Variants in DDIAS observed in about 807,000 individuals in gnomAD.
The protein encoded by DDIAS is DNA damage-induced apoptosis suppressor protein.
Under a neutral mutation model 15.7 loss-of-function variants are expected in DDIAS, and 14 were observed. The observed-to-expected ratio is 0.89, with a 90% CI of 0.59 to 1.39. DDIAS has a LOEUF of 1.39. Among genes scored for constraint, DDIAS ranks in the 40% most tolerant of loss-of-function variants. DDIAS has a pLI of 0.00. For synonymous variants in DDIAS, 355 were observed against 395.9 expected (o/e 0.90, Z 1.23); for missense variants, 1,035 against 1,130.9 (o/e 0.92, Z 1.22).
At chr11:82,925,362 C>G (rs760696936) in intron 3 of DDIAS, among the ~76,000 whole-genome samples, 1 of 152,010 alleles carries the variant, frequency 6.6e-6, no homozygotes. Flanking sequence ...TCTGGGAGGC[C>G]GAAACAAGAG....
At position 82,933,681 on chromosome 11, in the gene DDIAS, C is replaced by T. The variant is rs779715130; in HGVS notation, c.2343C>T (p.His781=). 5 of 1,613,984 alleles carry T rather than the reference C, an allele frequency of 3.1e-6. No individual in the cohort carries two copies. Among genetic ancestry groups the T allele is most frequent in the East Asian group, 2.2e-5 (1 of 44,872 alleles). ...CSQSTPISGF[H]QTRIHGINRA... Reference sequence around the variant, plus strand: ...AGTCAACTCCAATTTCAGGGTTCCACCAAACAAGAATTCATGGGATAAACA... The same window carrying T: ...AGTCAACTCCAATTTCAGGGTTCCATCAAACAAGAATTCATGGGATAAACA... The change falls in exon 6 of 6, where the codon CAC becomes CAT. Residue 781 remains histidine, a synonymous_variant. Transcript: ENST00000533655.
chr11:82,918,185 A>G (rs149022379), intron 3 of DDIAS, among the ~76,000 whole-genome samples: 2 of 152,230 alleles, frequency 1.3e-5, no homozygotes, highest in Non-Finnish European at 2.9e-5. Flanking sequence ...TGGGTACGCC[A>G]ATGTCTAGAA....
intron 1 of DDIAS, among the ~76,000 whole-genome samples, chr11:82,910,467 C>T (rs914981155): frequency 1.3e-5 from 2 of 151,914 alleles, no homozygotes; most frequent in African/African-American, 4.8e-5. Context: ...GATGGGGTTT[C>T]ACCATTTTGG....
At chr11:82,903,154 G>T (rs1860357290) in intron 1 of DDIAS, among the ~76,000 whole-genome samples, 1 of 152,028 alleles carries the variant, frequency 6.6e-6, no homozygotes, top group Non-Finnish European at 1.5e-5. Flanking sequence ...AATATATTTA[G>T]AAAGGACAGT....
intron 1 of DDIAS, among the ~76,000 whole-genome samples, chr11:82,906,222 G>A (rs1860428113): frequency 6.6e-6 from 1 of 152,120 alleles, no homozygotes; most frequent in Non-Finnish European, 1.5e-5. Context: ...TTGTCCAACA[G>A]ACAATAAATG....
At chr11:82,927,257 C>T (rs1203737519) in intron 3 of DDIAS, among the ~76,000 whole-genome samples, 1 of 152,172 alleles carries the variant, frequency 6.6e-6, no homozygotes, top group Non-Finnish European at 1.5e-5. Context: ...CAGTTCATTT[C>T]CCTAGAGTTT....
chr11:82,906,051 G>A (rs1430154520), intron 1 of DDIAS, among the ~76,000 whole-genome samples: 1 of 152,016 alleles, frequency 6.6e-6, no homozygotes, highest in Admixed American at 6.6e-5. Flanking sequence ...GCAGTAGAGA[G>A]AGACAGAGAA....
At chr11:82,908,527 A>C (rs1287761372) in intron 1 of DDIAS, among the ~76,000 whole-genome samples, 2 of 152,204 alleles carry the variant, frequency 1.3e-5, no homozygotes, top group African/African-American at 4.8e-5. Context: ...TGTTGACATA[A>C]CATCATTTGT....
chr11:82,932,054 G>A lies in DDIAS; in HGVS notation c.716G>A (p.Trp239Ter), dbSNP rs1860999908. Reference sequence around the variant, plus strand: ...AGCAAGGATACTTTTTCAAAATTCTGGCAGCCATCACTTGAATTCACTTGC... The same window carrying A: ...AGCAAGGATACTTTTTCAAAATTCTAGCAGCCATCACTTGAATTCACTTGC... Reference protein sequence around the residue: ...SCSKDTFSKFWQPSLEFTCIV... With the variant: ...SCSKDTFSKF The change falls in exon 6 of 6, where the codon TGG (tryptophan) becomes TAG (stop). Residue 239 changes from tryptophan (W) to a stop codon, truncating the protein, a stop_gained. Transcript: ENST00000533655. LOFTEE classifies it low-confidence loss of function (END_TRUNC). 1.2e-6 allele frequency: 2 copies of A among 1,613,720 alleles called. No homozygotes were observed. Among genetic ancestry groups the A allele is most frequent in the South Asian group, 2.2e-5 (2 of 91,020 alleles).
In DDIAS at chr11:82,933,217, A is replaced by T; in HGVS notation, c.1879A>T (p.Ile627Phe). 1 of 1,611,914 alleles carries T rather than the reference A, an allele frequency of 6.2e-7. No homozygotes were observed. The highest frequency in any genetic ancestry group is 8.5e-7 in the Non-Finnish European group (1 of 1,179,590). ...CAAGAACCAAGATGACAGTTTTACA[A>T]TTTGCAGGAAACTTACATATCCTTT... Reference protein sequence around the residue: ...WSKNQDDSFTICRKLTYPLET... With the variant: ...WSKNQDDSFTFCRKLTYPLET... The change falls in exon 6 of 6, where the codon ATT (isoleucine) becomes TTT (phenylalanine). Residue 627 changes from isoleucine to phenylalanine, a missense_variant. Coordinates refer to ENST00000533655, the MANE Select transcript of DDIAS (RefSeq NM_145018.4).
chr11:82,912,740 A>C (rs887034690), intron 1 of DDIAS, among the ~76,000 whole-genome samples: 3 of 152,052 alleles, frequency 2.0e-5, no homozygotes, highest in Non-Finnish European at 2.9e-5. Flanking sequence ...AAGAAACCTA[A>C]CTTTTGGTCT....
Position 82,933,132 on chromosome 11 carries a change from G to A in DDIAS, c.1794G>A (p.Arg598=), listed in dbSNP as rs1861036843. The A allele has an allele frequency of 6.2e-7, 1 of 1,607,672 alleles. No individual in the cohort carries two copies. Among genetic ancestry groups the A allele is most frequent in the Admixed American group, 1.7e-5 (1 of 59,696 alleles). ...MNEKLTTLCY[R]KYNDVSDLCK... is the part of the protein sequence containing the mutation. Reference sequence around the variant, plus strand: ...AAAAGTTGACAACTCTGTGTTATAGGAAGTATAATGATGTCTCTGATCTTT... The same window carrying A: ...AAAAGTTGACAACTCTGTGTTATAGAAAGTATAATGATGTCTCTGATCTTT... The change falls in exon 6 of 6, where the codon AGG becomes AGA. Residue 598 remains arginine (R), a synonymous_variant. Transcript: ENST00000533655.
chr11:82,910,594 C>T (rs1466065535), intron 1 of DDIAS, among the ~76,000 whole-genome samples: 123 of 119,732 alleles, frequency 1.0e-3, no homozygotes, highest in East Asian at 1.5e-3. Flanking sequence ...TTAATTTTTT[C>T]TCTCTCTCTC....
chr11:82,927,643 T>A (rs1156316743), intron 3 of DDIAS, among the ~76,000 whole-genome samples: 2 of 152,148 alleles, frequency 1.3e-5, no homozygotes, highest in African/African-American at 4.8e-5. Flanking sequence ...AAAAATTTTT[T>A]AAACTATTCT....
In DDIAS at chr11:82,933,753, T is replaced by C. The variant is rs1418925079; in HGVS notation, c.2415T>C (p.Tyr805=). The change falls in exon 6 of 6, where the codon TAT becomes TAC. Residue 805 remains tyrosine, a synonymous_variant. Coordinates refer to ENST00000533655, the MANE Select transcript of DDIAS (RefSeq NM_145018.4). ...TTTATTCAGATCTTGATGGTAACTA[T>C]GAAAAAATAAGGATTTTCCCTGAAA... ...PVFYSDLDGN[Y]EKIRIFPEND... is the part of the protein sequence containing the mutation. 1.2e-6 allele frequency: 2 copies of C among 1,610,354 alleles called. No homozygotes were observed. Among genetic ancestry groups the C allele is most frequent in the Admixed American group, 1.7e-5 (1 of 59,094 alleles).
At chr11:82,908,736 A>G (rs751244836) in intron 1 of DDIAS, among the ~76,000 whole-genome samples, 9 of 152,232 alleles carry the variant, frequency 5.9e-5, no homozygotes, top group Non-Finnish European at 1.0e-4. Flanking sequence ...GCCAGTTTCA[A>G]TTGTCATAAC....
At chr11:82,910,210 A>C (rs1860500157) in intron 1 of DDIAS, among the ~76,000 whole-genome samples, 1 of 152,134 alleles carries the variant, frequency 6.6e-6, no homozygotes, top group African/African-American at 2.4e-5. Flanking sequence ...CTTTGTTGTA[A>C]GGCATGTATT....
chr11:82,924,561 T>G (rs1860819553), intron 3 of DDIAS, among the ~76,000 whole-genome samples: 2 of 152,210 alleles, frequency 1.3e-5, no homozygotes, highest in Admixed American at 6.5e-5. Flanking sequence ...ATGCCTGCAA[T>G]CCCAGCATTT....
At chr11:82,906,179 A>G (rs1221929050) in intron 1 of DDIAS, among the ~76,000 whole-genome samples, 1 of 152,200 alleles carries the variant, frequency 6.6e-6, no homozygotes, top group Non-Finnish European at 1.5e-5. Context: ...AAATTAATTA[A>G]CAGTAACTGT....
Sources: allele counts gnomAD v4.1 joint callset (sites outside exome capture counted in the v4.1 genomes callset), GRCh38; gene constraint gnomAD v4.1.1; transcripts MANE v1.5; gene names NCBI Gene and HGNC (gene_info 2026-07-23, HGNC 2026-07-21).